USP25: variants seen among roughly 807,000 people sequenced by gnomAD.
USP25 encodes ubiquitin carboxyl-terminal hydrolase 25.
In USP25, 85 loss-of-function variants were observed where a neutral mutation model predicts 158.5. The observed-to-expected ratio is 0.54, with a 90% CI of 0.45 to 0.64. The LOEUF (loss-of-function observed/expected upper bound fraction) is 0.64. USP25 is among the 30% of genes least tolerant of loss of function. USP25 has a pLI of 0.00. For synonymous variants in USP25, 464 were observed against 460.4 expected (o/e 1.01, Z -0.10); for missense variants, 1,242 against 1,327.3 (o/e 0.94, Z 1.00).
intron 7 of USP25, among the ~76,000 whole-genome samples, chr21:15,808,346 G>T (rs2036493908): frequency 6.6e-6 from 1 of 151,226 alleles, no homozygotes; most frequent in African/African-American, 2.4e-5. Context: ...AAAGTTGTGT[G>T]TGTAAGTTGA....
chr21:15,783,383 A>C (rs2035079666), intron 4 of USP25, among the ~76,000 whole-genome samples: 1 of 152,172 alleles, frequency 6.6e-6, no homozygotes, highest in South Asian at 2.1e-4. Flanking sequence ...CTTGGAAGGA[A>C]GTCTTGGAAG....
intron 16 of USP25, among the ~76,000 whole-genome samples, chr21:15,832,365 G>A (rs1005367865): frequency 5.3e-5 from 8 of 152,022 alleles, no homozygotes; most frequent in African/African-American, 1.7e-4. Flanking sequence ...AAATAATAAA[G>A]GTTTATTGAA....
chr21:15,764,513 T>C (rs1449486724), intron 2 of USP25, among the ~76,000 whole-genome samples: 1 of 152,104 alleles, frequency 6.6e-6, no homozygotes, highest in Non-Finnish European at 1.5e-5. Flanking sequence ...AAGTCTACTT[T>C]TGAGCACTGT....
chr21:15,738,521 C>G (rs2823466), intron 1 of USP25, among the ~76,000 whole-genome samples: 5,667 of 152,208 alleles, frequency 0.037, 323 homozygotes, highest in African/African-American at 0.13. Context: ...TTTCTGATAA[C>G]TGTTATATGG....
At chr21:15,754,191 G>T (rs769930689) in intron 1 of USP25, among the ~76,000 whole-genome samples, 2 of 152,098 alleles carry the variant, frequency 1.3e-5, no homozygotes, top group East Asian at 1.9e-4. Flanking sequence ...TATTCTAGTC[G>T]CCTGCAGTCT....
intron 10 of USP25, among the ~76,000 whole-genome samples, chr21:15,819,133 C>T (rs2037101032): frequency 6.6e-6 from 1 of 152,154 alleles, no homozygotes; most frequent in Non-Finnish European, 1.5e-5. Flanking sequence ...CCATTAGCAG[C>T]ATGCTAGTTC....
chr21:15,846,158 A>ATATTTT (rs1325255884), intron 18 of USP25, among the ~76,000 whole-genome samples: 6 of 23,952 alleles, frequency 2.5e-4, no homozygotes, highest in Non-Finnish European at 4.3e-4. Context: ...ATATATATAT[A>ATATTTT]TTTTTTTTTT....
chr21:15,877,888 A>C lies in USP25; in HGVS notation c.3102A>C (p.Pro1034=). 6.2e-7 allele frequency: 1 copy of C among 1,613,462 alleles called. No homozygotes were observed. Among genetic ancestry groups the C allele is most frequent in the African/African-American group, 1.3e-5 (1 of 74,972 alleles). Residue 1034 remains proline, a synonymous_variant, in exon 25 of 26, where the codon CCA becomes CCC. Transcript: ENST00000400183. The part of the protein sequence containing the change: ...GLIIMNEFIV[P]FLPLLLVDEM... ...TTATCATGAATGAGTTTATTGTCCC[A>C]TTTTTGCCATTATTACTGGTGGATG...
At chr21:15,753,704 GAA>G (rs200965042) in intron 1 of USP25, among the ~76,000 whole-genome samples, 24 of 140,314 alleles carry the variant, frequency 1.7e-4, no homozygotes, top group African/African-American at 2.8e-4. Flanking sequence ...GTATGAGAGG[GAA>G]AAAAAAAAAA....
chr21:15,811,458 G>A (rs2036658336), intron 9 of USP25, among the ~76,000 whole-genome samples: 1 of 152,100 alleles, frequency 6.6e-6, no homozygotes, highest in Admixed American at 6.5e-5. Flanking sequence ...TCCAGTGAGA[G>A]GGCTTCCATG....
chr21:15,859,989 ATATTT>A (rs2039350319), intron 20 of USP25, among the ~76,000 whole-genome samples: 1 of 133,024 alleles, frequency 7.5e-6, no homozygotes, highest in African/African-American at 3.1e-5. Context: ...ATATATATCT[ATATTT>A]TTTTTTTTTT....
chr21:15,733,192 GTTA>G (rs2031137835), intron 1 of USP25, among the ~76,000 whole-genome samples: 2 of 128,408 alleles, frequency 1.6e-5, no homozygotes, highest in South Asian at 2.4e-4. Context: ...CTTTAGGGCA[GTTA>G]TTATTGGGAG....
intron 21 of USP25, among the ~76,000 whole-genome samples, chr21:15,864,840 C>T (rs1194908395): frequency 6.6e-6 from 1 of 152,094 alleles, no homozygotes; most frequent in Admixed American, 6.6e-5. Flanking sequence ...ATGACAGTAG[C>T]AGCTCCCAAG....
At chr21:15,730,753 C>T (rs1032215779) in intron 1 of USP25, among the ~76,000 whole-genome samples, 3 of 152,192 alleles carry the variant, frequency 2.0e-5, no homozygotes, top group African/African-American at 7.2e-5. Flanking sequence ...ACTTTATTCT[C>T]TCCCCTTAAA....
At chr21:15,747,383 T>A (rs2032641528) in intron 1 of USP25, among the ~76,000 whole-genome samples, 1 of 151,848 alleles carries the variant, frequency 6.6e-6, no homozygotes, top group Non-Finnish European at 1.5e-5. Context: ...TATGGTTCAG[T>A]ACTATATAGA....
chr21:15,842,647 A>T, intron 18 of USP25, 107 bp downstream of exon 18: 2 of 1,393,228 alleles, frequency 1.4e-6, no homozygotes, highest in Non-Finnish European at 1.9e-6. Flanking sequence ...GGGCCCAGTG[A>T]TGGCTCTGCC....
Position 15,831,497 on chromosome 21 carries a change from A to G in USP25, c.1861A>G (p.Met621Val), listed in dbSNP as rs764806970. Residue 621 changes from methionine (M) to valine (V), a missense_variant, in exon 16 of 26, where the codon ATG becomes GTG. Transcript: ENST00000400183. Reference protein sequence around the residue: ...YIFDHRESRWMKYNDIAVTKS... With the variant: ...YIFDHRESRWVKYNDIAVTKS... ...TTTTGATCATCGTGAAAGCAGATGG[A>G]TGAAGTACAATGATATTGCTGTGAC... is the stretch of plus-strand genomic sequence containing the variant. The G allele has an allele frequency of 1.1e-5, 17 of 1,614,128 alleles. No individual in the cohort carries two copies. The highest frequency in any genetic ancestry group is 1.4e-5 in the Non-Finnish European group (17 of 1,179,978).
intron 3 of USP25, among the ~76,000 whole-genome samples, chr21:15,775,615 C>T (rs765762674): frequency 6.6e-6 from 1 of 152,030 alleles, no homozygotes; most frequent in Non-Finnish European, 1.5e-5. Flanking sequence ...GTCTAGTTGC[C>T]GCTTATATTC....
At position 15,785,082 on chromosome 21, in the gene USP25, A is replaced by G. The variant is rs185093532; in HGVS notation, c.393-6420A>G. On this transcript the variant is annotated intron_variant, in intron 4 of 25. Coordinates refer to ENST00000400183, the MANE Select transcript of USP25 (RefSeq NM_001283041.3). The stretch of plus-strand genomic sequence containing the variant: ...GGACAAAGATATCCCATGCAAATTC[A>G]AACCAAAAATGAGCAGAAGCAGCCA... Among the ~76,000 whole-genome samples the G allele has an allele frequency of 3.2e-4, 49 of 152,308 alleles. 1 individual carries two copies. In the East Asian group the frequency reaches 8.7e-3, roughly 27 times the overall value.
Sources: allele counts gnomAD v4.1 joint callset (sites outside exome capture counted in the v4.1 genomes callset), GRCh38; gene constraint gnomAD v4.1.1; transcripts MANE v1.5; gene names NCBI Gene and HGNC (gene_info 2026-07-23, HGNC 2026-07-21).